CNTNAP5: variants seen among roughly 807,000 people sequenced by gnomAD.
The protein encoded by CNTNAP5 is contactin associated protein family member 5, also known as contactin-associated protein-like 5.
In CNTNAP5, 72 loss-of-function variants were observed where a neutral mutation model predicts 150.2. The observed-to-expected ratio is 0.48, with a 90% CI of 0.40 to 0.58. CNTNAP5 has a LOEUF of 0.58. Among genes scored for constraint, CNTNAP5 ranks in the 20% least tolerant of loss-of-function variants. CNTNAP5 has a pLI of 0.00. For missense variants in CNTNAP5, 1,636 were observed against 1,626.2 expected (o/e 1.01, Z -0.10); for synonymous variants, 672 against 619.8 (o/e 1.08, Z -1.25).
rs1682532218 is a variant in CNTNAP5, at chr2:124,080,367, A to G, written c.82+54635A>G. 3.3e-5 allele frequency among the ~76,000 whole-genome samples: 5 copies of G among 152,320 alleles called. No homozygotes were observed. The South Asian group carries it at 8.3e-4, about 25-fold the overall frequency. On this transcript the variant is annotated intron_variant, in intron 1 of 23. Transcript: ENST00000682447. Reference sequence around the variant, plus strand: ...TGTATAAGACGGTCTTGTTCCATAAATAGTCTTGCAGTCTAAACAAATGAC... The same window carrying G: ...TGTATAAGACGGTCTTGTTCCATAAGTAGTCTTGCAGTCTAAACAAATGAC...
rs370681709 is a variant in CNTNAP5, at chr2:124,898,342, C to T, written c.3437-4540C>T. Among the ~76,000 whole-genome samples, 7 of 151,490 alleles carry T rather than the reference C, an allele frequency of 4.6e-5. No homozygotes were observed. In the East Asian group the frequency reaches 1.4e-3, roughly 29 times the overall value. The stretch of plus-strand genomic sequence containing the variant: ...TGTCTGTTTTTAGCGAATTTCTGAT[C>T]TTTTCGTGTTTCTTTCATATAAAAA... On this transcript the variant is annotated intron_variant, in intron 21 of 23. Transcript: ENST00000682447.
At chr2:124,429,473 A>G (rs1420142783) in intron 4 of CNTNAP5, among the ~76,000 whole-genome samples, 4 of 152,226 alleles carry the variant, frequency 2.6e-5, no homozygotes, top group African/African-American at 9.6e-5. Context: ...AGGAGTAGGA[A>G]GTATTCAGTT....
intron 3 of CNTNAP5, among the ~76,000 whole-genome samples, chr2:124,286,170 G>T (rs867278997): frequency 2.6e-5 from 4 of 152,268 alleles, no homozygotes; most frequent in Non-Finnish European, 4.4e-5. Flanking sequence ...TCTCCAGCAG[G>T]CCATAGAGCT....
intron 1 of CNTNAP5, among the ~76,000 whole-genome samples, chr2:124,219,281 A>G (rs1344146880): frequency 6.6e-6 from 1 of 152,164 alleles, no homozygotes; most frequent in Non-Finnish European, 1.5e-5. Flanking sequence ...TAGGGTTAGG[A>G]GTACAATACT....
chr2:124,280,853 T>C (rs1284675965), intron 3 of CNTNAP5, among the ~76,000 whole-genome samples: 1 of 152,134 alleles, frequency 6.6e-6, no homozygotes, highest in African/African-American at 2.4e-5. Flanking sequence ...TCATTTCCCC[T>C]GAGAAAGGAA....
intron 13 of CNTNAP5, among the ~76,000 whole-genome samples, chr2:124,715,668 C>T (rs2105110286): frequency 6.6e-6 from 1 of 152,136 alleles, no homozygotes; most frequent in Non-Finnish European, 1.5e-5. Flanking sequence ...GTATCATTTC[C>T]ATTTATATAC....
intron 16 of CNTNAP5, among the ~76,000 whole-genome samples, chr2:124,768,137 G>C (rs1020185016): frequency 1.3e-5 from 2 of 152,166 alleles, no homozygotes; most frequent in African/African-American, 4.8e-5. Flanking sequence ...GAAGGTAGTC[G>C]TCAGGGAGAC....
At chr2:124,678,241 C>T (rs560927130) in intron 13 of CNTNAP5, among the ~76,000 whole-genome samples, 160 of 151,924 alleles carry the variant, frequency 1.1e-3, no homozygotes, top group African/African-American at 3.6e-3. Context: ...TAAAACTGTA[C>T]TGATTGTGCC....
chr2:124,753,163 T>A (rs1396390704), intron 14 of CNTNAP5, among the ~76,000 whole-genome samples: 2 of 152,202 alleles, frequency 1.3e-5, no homozygotes, highest in African/African-American at 4.8e-5. Context: ...GAGAAAATGA[T>A]GTAAGGTGTA....
chr2:124,620,788 C>G (rs927400380), intron 12 of CNTNAP5, among the ~76,000 whole-genome samples: 8 of 151,504 alleles, frequency 5.3e-5, no homozygotes, highest in African/African-American at 1.9e-4. Flanking sequence ...TATATGCAAA[C>G]TTTCTAGCCT....
At chr2:124,372,921 C>T (rs1214771701) in intron 3 of CNTNAP5, among the ~76,000 whole-genome samples, 1 of 152,102 alleles carries the variant, frequency 6.6e-6, no homozygotes, top group Admixed American at 6.6e-5. Flanking sequence ...GGAAGATATG[C>T]TATGACCTGG....
At chr2:124,465,599 C>T (rs1693358768) in intron 6 of CNTNAP5, among the ~76,000 whole-genome samples, 1 of 152,148 alleles carries the variant, frequency 6.6e-6, no homozygotes, top group Non-Finnish European at 1.5e-5. Flanking sequence ...CTTGGAATTA[C>T]ATATTCAAAA....
At chr2:124,704,555 G>C (rs193073164) in intron 13 of CNTNAP5, among the ~76,000 whole-genome samples, 7 of 152,118 alleles carry the variant, frequency 4.6e-5, no homozygotes, top group African/African-American at 1.4e-4. Flanking sequence ...ATAGGGAAGT[G>C]ATTTTAAAAT....
intron 1 of CNTNAP5, among the ~76,000 whole-genome samples, chr2:124,114,358 C>A (rs566966475): frequency 6.6e-6 from 1 of 151,930 alleles, no homozygotes; most frequent in East Asian, 1.9e-4. Flanking sequence ...TACATTTATT[C>A]TTAGATATTA....
In CNTNAP5 at chr2:124,684,392, C is replaced by A. The variant is rs530818444; in HGVS notation, c.2077+36434C>A. On this transcript the variant is annotated intron_variant, in intron 13 of 23. Transcript: ENST00000682447. ...AGCTTATATCTACCAACCATTTCTT[C>A]ATTTATTTGAAAAGTTTCTATTGAA... Among the ~76,000 whole-genome samples the A allele has an allele frequency of 2.6e-5, 4 of 152,190 alleles. No individual in the cohort carries two copies. The South Asian group carries it at 8.3e-4, about 32-fold the overall frequency.
At chr2:124,667,765 C>T (rs1678731082) in intron 13 of CNTNAP5, among the ~76,000 whole-genome samples, 1 of 152,140 alleles carries the variant, frequency 6.6e-6, no homozygotes, top group Admixed American at 6.5e-5. Context: ...CTTCCTGCAC[C>T]ACTTAATGAA....
Position 124,434,713 on chromosome 2 carries a change from G to A in CNTNAP5, c.733+26G>A, listed in dbSNP as rs745424475. The A allele has an allele frequency of 4.5e-6, 7 of 1,573,006 alleles. No individual in the cohort carries two copies. The South Asian group carries it at 6.9e-5, about 15-fold the overall frequency. ...GTAGGCTCAGACTTCCTCTTCCAAT[G>A]CCAAGGGATGGAGAGCTCCTTTACT... On this transcript the variant is annotated intron_variant, in intron 5 of 23. Coordinates refer to ENST00000682447, the MANE Select transcript of CNTNAP5 (RefSeq NM_001367498.1).
At chr2:124,646,800 A>C (rs1229774117) in intron 12 of CNTNAP5, among the ~76,000 whole-genome samples, 2 of 152,066 alleles carry the variant, frequency 1.3e-5, no homozygotes, top group Non-Finnish European at 2.9e-5. Flanking sequence ...ACTGACTATA[A>C]AACTAAGCTT....
chr2:124,410,977 C>G (rs542228850), intron 3 of CNTNAP5, among the ~76,000 whole-genome samples: 1 of 151,566 alleles, frequency 6.6e-6, no homozygotes, highest in African/African-American at 2.4e-5. Flanking sequence ...ATTGATAGAC[C>G]GCTAGCAGGA....
Sources: gnomAD v4.1 joint callset for allele counts (sites outside exome capture counted in the v4.1 genomes callset) on GRCh38, gnomAD v4.1.1 for gene constraint, MANE v1.5 for transcripts, NCBI Gene and HGNC (gene_info 2026-07-23, HGNC 2026-07-21) for gene names.